RGS6: variants seen among roughly 807,000 people sequenced by gnomAD.
RGS6 encodes regulator of G protein signaling 6, also known as regulator of G-protein signaling 6.
Under a neutral mutation model 78.5 loss-of-function variants are expected in RGS6, and 30 were observed. That is an observed-to-expected ratio of 0.38 (90% confidence interval 0.29 to 0.52). The LOEUF is 0.52. RGS6 is among the 20% of genes least tolerant of loss of function. The pLI is 0.85. For synonymous variants in RGS6, 206 were observed against 206.0 expected (o/e 1.00, Z 0.00); for missense variants, 495 against 609.7 (o/e 0.81, Z 1.98).
the RGS6 span, among the ~76,000 whole-genome samples, chr14:71,922,856 A>AAAAACAAAACAAAAC: frequency 5.6e-4 from 85 of 150,776 alleles, no homozygotes; most frequent in African/African-American, 1.4e-3. Context: ...GACAAAAAAC[A>AAAAACAAAACAAAAC]AAAACAAAAC....
chr14:71,991,956 A>T (rs575434032), intron 2 of RGS6, among the ~76,000 whole-genome samples: 2 of 152,314 alleles, frequency 1.3e-5, no homozygotes, highest in Non-Finnish European at 2.9e-5. Context: ...ACTTTATGAA[A>T]ACAGGCAGTG....
Position 72,565,773 on chromosome 14 carries a change from G to A in RGS6, c.*3306G>A, listed in dbSNP as rs1289083210. The A allele has an allele frequency of 6.6e-6, 1 of 152,244 alleles. No homozygotes were observed. The highest frequency in any genetic ancestry group is 1.5e-5 in the Non-Finnish European group (1 of 68,068). 9.4% of individuals were successfully genotyped at this position (152,244 alleles called of 1,614,324 possible). On this transcript the variant is annotated 3_prime_UTR_variant, in exon 18 of 18. Coordinates refer to ENST00000553525, the MANE Select transcript of RGS6 (RefSeq NM_001204424.2). Reference sequence around the variant, plus strand: ...CTGCCACCCAACTGGCCCCCTTGGTGATTGTGGAAGGTGATGTTTTTCCTA... The same window carrying A: ...CTGCCACCCAACTGGCCCCCTTGGTAATTGTGGAAGGTGATGTTTTTCCTA...
At chr14:72,032,332 C>T (rs542546423) in intron 2 of RGS6, among the ~76,000 whole-genome samples, 1 of 152,198 alleles carries the variant, frequency 6.6e-6, no homozygotes, top group East Asian at 1.9e-4. Context: ...CCATTGCCAC[C>T]ACTGGTTATT....
the RGS6 span, among the ~76,000 whole-genome samples, chr14:71,911,932 A>G: frequency 1.3e-5 from 2 of 152,212 alleles, no homozygotes; most frequent in Non-Finnish European, 2.9e-5. Context: ...ATGCATGTGT[A>G]GAAGGCAACC....
At chr14:72,324,484 C>G (rs913871825) in intron 2 of RGS6, among the ~76,000 whole-genome samples, 1 of 152,042 alleles carries the variant, frequency 6.6e-6, no homozygotes, top group African/African-American at 2.4e-5. Context: ...TTAGGTATAT[C>G]TCCTAATGCT....
At chr14:72,014,443 A>G (rs746443679) in intron 2 of RGS6, among the ~76,000 whole-genome samples, 4 of 152,208 alleles carry the variant, frequency 2.6e-5, no homozygotes, top group Non-Finnish European at 5.9e-5. Flanking sequence ...TGAGTCTAAC[A>G]AATACTCATT....
At position 72,297,558 on chromosome 14, in the gene RGS6, A is replaced by G. The variant is rs537986798; in HGVS notation, c.85-54537A>G. Among the ~76,000 whole-genome samples the G allele has an allele frequency of 5.0e-4, 70 of 140,056 alleles. 2 individuals carry two copies. In the South Asian group the frequency reaches 0.015, roughly 31 times the overall value. The allele number at this position is 140,056 out of a possible 152,430, so 91.9% of individuals were successfully genotyped here. ...CATCTAGCCTTAGGTATATCTCCCA[A>G]TGCTATCCCTCCCCCCTCCCCCCAC... On this transcript the variant is annotated intron_variant, in intron 2 of 17. Transcript: ENST00000553525.
At chr14:71,967,303 G>C (rs1413380316) in intron 2 of RGS6, among the ~76,000 whole-genome samples, 1 of 151,964 alleles carries the variant, frequency 6.6e-6, no homozygotes, top group Admixed American at 6.6e-5. Context: ...CACAGTGTGA[G>C]CTCAGGTCCT....
the RGS6 span, among the ~76,000 whole-genome samples, chr14:72,629,014 C>A: frequency 6.6e-6 from 1 of 152,070 alleles, no homozygotes. Flanking sequence ...AATCCCAATT[C>A]AAATAAACAG....
chr14:72,092,245 C>T (rs1276541035), intron 2 of RGS6, among the ~76,000 whole-genome samples: 1 of 151,432 alleles, frequency 6.6e-6, no homozygotes, highest in Non-Finnish European at 1.5e-5. Flanking sequence ...AGTCTGGTCT[C>T]AACTCCTGAC....
chr14:71,979,810 T>C (rs1479146106), intron 2 of RGS6, among the ~76,000 whole-genome samples: 26 of 152,134 alleles, frequency 1.7e-4, no homozygotes, highest in Admixed American at 3.3e-4. Flanking sequence ...AATTCCTGGG[T>C]ATCCTTGTGG....
chr14:72,434,278 G>A (rs1203784887), intron 3 of RGS6, among the ~76,000 whole-genome samples: 3 of 152,188 alleles, frequency 2.0e-5, no homozygotes, highest in Non-Finnish European at 2.9e-5. Flanking sequence ...TTGAGGCTAC[G>A]GTGAGCTCTG....
intron 2 of RGS6, among the ~76,000 whole-genome samples, chr14:72,094,784 C>A (rs1164725249): frequency 6.6e-6 from 1 of 152,166 alleles, no homozygotes; most frequent in African/African-American, 2.4e-5. Flanking sequence ...GTAGGAGAGA[C>A]AATAAATGGG....
At chr14:71,876,410 T>C in the RGS6 span, among the ~76,000 whole-genome samples, 1 of 151,760 alleles carries the variant, frequency 6.6e-6, no homozygotes, top group Non-Finnish European at 1.5e-5. Flanking sequence ...TGGTCTTCTT[T>C]GTCTCTTTTG....
intron 2 of RGS6, among the ~76,000 whole-genome samples, chr14:72,090,862 G>C (rs6574046): frequency 0.87 from 132,332 of 152,056 alleles, 57,919 homozygotes; most frequent in Admixed American, 0.93. Context: ...GCTCCTGTTG[G>C]GGCACTCGGT....
intron 3 of RGS6, among the ~76,000 whole-genome samples, chr14:72,440,845 G>T (rs764538021): frequency 6.6e-6 from 1 of 152,144 alleles, no homozygotes; most frequent in Non-Finnish European, 1.5e-5. Context: ...GCTATTAGGT[G>T]CATGAGTGTG....
chr14:72,344,599 T>C (rs2077641726), intron 2 of RGS6, among the ~76,000 whole-genome samples: 1 of 152,316 alleles, frequency 6.6e-6, no homozygotes. Context: ...ATAGCACTCA[T>C]GTCATTCATG....
intron 17 of RGS6, among the ~76,000 whole-genome samples, chr14:72,561,522 C>T (rs552785203): frequency 1.4e-4 from 22 of 152,332 alleles, no homozygotes; most frequent in African/African-American, 5.1e-4. Flanking sequence ...AGCAAAGCGA[C>T]GGAGCCTCGC....
intron 12 of RGS6, among the ~76,000 whole-genome samples, chr14:72,489,156 G>GGCC (rs779527255): frequency 2.1e-5 from 3 of 142,110 alleles, no homozygotes; most frequent in African/African-American, 7.7e-5. Flanking sequence ...GACAAAGGGG[G>GGCC]CCCCCCCACC....
Sources: allele counts gnomAD v4.1 joint callset (sites outside exome capture counted in the v4.1 genomes callset), GRCh38; gene constraint gnomAD v4.1.1; transcripts MANE v1.5; gene names NCBI Gene and HGNC (gene_info 2026-07-23, HGNC 2026-07-21).